PERM1: variants seen among roughly 807,000 people sequenced by gnomAD.
PERM1 encodes the protein PPARGC1 and ESRR induced regulator, muscle 1.
A neutral mutation model predicts 44.1 loss-of-function variants in PERM1; 45 were observed. The observed-to-expected ratio is 1.02, with a 90% CI of 0.80 to 1.31. The LOEUF (loss-of-function observed/expected upper bound fraction) is 1.31. PERM1 is among the 50% of genes most tolerant of loss of function. The pLI is 0.00. For missense variants in PERM1, 1,189 were observed against 1,106.9 expected, an observed-to-expected ratio of 1.07 and a Z score of -1.05; for synonymous variants, 565 against 477.1, an observed-to-expected ratio of 1.18 and a Z score of -2.40.
chr1:980,588 G>A (rs762261068), exon 1 of PERM1: 67 of 1,454,058 alleles, frequency 4.6e-5, no homozygotes, highest in East Asian at 7.5e-5. Context: ...CCAGGGGGCC[G>A]TGGGGCAGGG....
exon 1 of PERM1, chr1:979,636 G>A: frequency 1.3e-6 from 2 of 1,550,280 alleles, no homozygotes; most frequent in East Asian, 4.9e-5. Flanking sequence ...ATCAGGCCCA[G>A]CTCTGCGGGT....
Position 979,931 on chromosome 1 carries a change from G to C in PERM1, c.1099C>G (p.Pro367Ala), listed in dbSNP as rs997969634. The change falls in exon 1 of 3, where the codon CCG becomes GCG. Residue 367 changes from proline (P) to alanine (A), a missense_variant. By Grantham distance (27) the Pro-to-Ala change is conservative (BLOSUM62 -1). Around this residue, in one of 3 missense-constraint regions of PERM1, gnomAD observed 900 missense variants for 760.4 expected, o/e 1.18. Coordinates refer to ENST00000433179, the Ensembl canonical transcript of PERM1. The stretch of plus-strand genomic sequence containing the variant: ...GTAGACACAGCCGTGTCAGATTGCG[G>C]CTTGGAGGCAGGTATAGACACAGCC... The C allele has an allele frequency of 5.2e-6, 8 of 1,550,240 alleles. No homozygotes were observed. In the African/African-American group the frequency reaches 1.1e-4, roughly 21 times the overall value.
chr1:976,159 C>CCGGGCCTGGCT (rs1553166485), exon 3 of PERM1: 2 of 1,545,876 alleles, frequency 1.3e-6, no homozygotes, highest in Non-Finnish European at 8.7e-7. Flanking sequence ...TCTCCCTGGC[C>CCGGGCCTGGCT]CGGGCCTGGC....
exon 1 of PERM1, chr1:980,611 C>G: frequency 4.8e-6 from 7 of 1,447,780 alleles, no homozygotes; most frequent in Non-Finnish European, 5.5e-6. Flanking sequence ...CTGCAGAAGC[C>G]TCTGCATCTG....
At chr1:981,275 G>A, upstream of PERM1, 1 of 1,222,060 alleles carries the variant, frequency 8.2e-7, no homozygotes, top group South Asian at 1.5e-5. Flanking sequence ...CATGACCCTA[G>A]TTCCCAACGC....
exon 1 of PERM1, chr1:979,954 G>A (rs1335113181): frequency 3.2e-6 from 5 of 1,550,136 alleles, no homozygotes; most frequent in Non-Finnish European, 4.4e-6. Context: ...TATAGACACA[G>A]CCATGTCCCT....
chr1:979,146 C>T (rs574803551), exon 1 of PERM1: 41 of 1,550,120 alleles, frequency 2.6e-5, no homozygotes, highest in Middle Eastern at 3.3e-4. Flanking sequence ...CCCGCCGCCT[C>T]GACCTCTGGG....
chr1:979,685 CA>C lies in PERM1; in HGVS notation c.1344del (p.Val449PhefsTer119). 1 of 1,550,316 alleles carries C rather than the reference CA, an allele frequency of 6.5e-7. No homozygotes were observed. The stretch of plus-strand genomic sequence containing the variant: ...AGGCCAGCGGCGTCGGCTCTGGGAA[CA>C]GGTGTAGACACAAGCCCGCTGGACT... On this transcript the variant is annotated frameshift_variant, in exon 1 of 3. Coordinates refer to ENST00000433179, the Ensembl canonical transcript of PERM1. LOFTEE classifies it high-confidence loss of function.
Position 980,013 on chromosome 1 carries a change from AG to A in PERM1, c.1016del (p.Pro339LeufsTer85). 1 of 1,549,298 alleles carries A rather than the reference AG, an allele frequency of 6.5e-7. No individual in the cohort carries two copies. The highest frequency in any genetic ancestry group is 8.7e-7 in the Non-Finnish European group (1 of 1,146,822). On this transcript the variant is annotated frameshift_variant, in exon 1 of 3. Coordinates refer to ENST00000433179, the Ensembl canonical transcript of PERM1. LOFTEE classifies it high-confidence loss of function. ...GTGTAGACACAGCCATGTCCGTGTC[AG>A]GTTGCGGCTCAGAGGCAGGTGTAGA... is the stretch of plus-strand genomic sequence containing the variant.
upstream of PERM1, among the ~76,000 whole-genome samples, chr1:981,491 C>A (rs1643792068): frequency 6.6e-6 from 1 of 152,256 alleles, no homozygotes; most frequent in Non-Finnish European, 1.5e-5. Flanking sequence ...CCCGATGGGA[C>A]CAGTGCCCTC....
At chr1:981,828 C>T (rs985171476), upstream of PERM1, among the ~76,000 whole-genome samples, 1 of 152,368 alleles carries the variant, frequency 6.6e-6, no homozygotes, top group South Asian at 2.1e-4. Context: ...GCAAGGAGAC[C>T]CTAGCCAGCT....
chr1:976,191 C>T (rs1213336468), exon 3 of PERM1: 2 of 1,545,212 alleles, frequency 1.3e-6, no homozygotes, highest in South Asian at 2.4e-5. Flanking sequence ...GGGGCTGGGG[C>T]TGTGGCTGCG....
chr1:975,996 G>A (rs1021969282), exon 3 of PERM1: 16 of 636,324 alleles, frequency 2.5e-5, no homozygotes, highest in African/African-American at 2.5e-4. Context: ...GGGAGTGGCC[G>A]TGGTCACTGG....
rs1557659247 is a variant in PERM1 at position 979,425 on chromosome 1, G to GT, written c.1604dup (p.His535GlnfsTer56). On this transcript the variant is annotated frameshift_variant, in exon 1 of 3. Transcript: ENST00000433179. LOFTEE classifies it high-confidence loss of function. ...CAGCCTCCCAGGCTCCGGGCCCCCC[G>GT]TGGGCCCCAGTTGCTGTCTGGGGGG... 2 of 1,528,948 alleles carry GT rather than the reference G, an allele frequency of 1.3e-6. No homozygotes were observed. The highest frequency in any genetic ancestry group is 2.8e-5 in the African/African-American group (2 of 72,288). 94.7% of individuals were successfully genotyped at this position (1,528,948 alleles called of 1,614,324 possible).
Position 978,870 on chromosome 1 carries a change from A to C in PERM1, c.2149+11T>G, listed in dbSNP as rs531040994. The C allele has an allele frequency of 8.3e-4, 1,213 of 1,463,408 alleles. 5 individuals carry two copies. The highest frequency in any genetic ancestry group is 6.7e-3 in the South Asian group (479 of 71,000). The allele number at this position is 1,463,408 out of a possible 1,614,324, so 90.7% of individuals were successfully genotyped here. On this transcript the variant is annotated intron_variant, in intron 1 of 2. Coordinates refer to ENST00000433179, the Ensembl canonical transcript of PERM1. ...GGATCTGGACGGGCTGTGGGATCCG[A>C]GAGCACGTACCTGCCCGTCTAAGAG...
chr1:978,780 AAGCCCGGCC>A, intron 1 of PERM1, 92 bp downstream of exon 2: 3 of 1,172,186 alleles, frequency 2.6e-6, no homozygotes, highest in South Asian at 1.8e-5. Flanking sequence ...GGGATGACCC[AAGCCCGGCC>A]TGCCCGGCCC....
exon 1 of PERM1, chr1:980,485 C>G (rs1037755807): frequency 6.6e-7 from 1 of 1,511,346 alleles, no homozygotes; most frequent in East Asian, 2.5e-5. Context: ...CCTCTTCTTT[C>G]GGCTGGGGCT....
chr1:976,647 G>T, intron 1 of PERM1, 23 bp from the exon 3 acceptor site: 3 of 1,548,418 alleles, frequency 1.9e-6, no homozygotes, highest in East Asian at 2.4e-5. Context: ...CTCACCTTCA[G>T]CCCCACGGCT....
At chr1:976,653 C>T (rs1357800227) in intron 1 of PERM1, 29 bp from the exon 3 acceptor site, 21 of 1,548,372 alleles carry the variant, frequency 1.4e-5, no homozygotes, top group South Asian at 5.9e-5. Flanking sequence ...TTCAGCCCCA[C>T]GGCTGCACTC....
Sources: allele counts gnomAD v4.1 joint callset (sites outside exome capture counted in the v4.1 genomes callset), GRCh38; gene constraint gnomAD v4.1.1; regional missense constraint gnomAD v4.1.1; transcripts MANE v1.5; gene names NCBI Gene and HGNC (gene_info 2026-07-23, HGNC 2026-07-21).